MPDU1: variants seen among roughly 807,000 people sequenced by gnomAD.
MPDU1 encodes mannose-P-dolichol utilization defect 1.
MPDU1 carries 18 observed loss-of-function variants against 27.6 expected under a neutral mutation model. The ratio of observed to expected loss-of-function variants is 0.65; its 90% confidence interval spans 0.45 to 0.97. The LOEUF is 0.97. Among genes scored for constraint, MPDU1 ranks in the 50% least tolerant of loss-of-function variants. The pLI is 0.00. For synonymous variants in MPDU1, 142 were observed against 131.1 expected, an observed-to-expected ratio of 1.08 and a Z score of -0.57; for missense variants, 279 against 297.4, an observed-to-expected ratio of 0.94 and a Z score of 0.46.
Position 7,586,117 on chromosome 17 carries a change from C to T in MPDU1, c.302+39C>T, listed in dbSNP as rs1468561158. On this transcript the variant is annotated intron_variant, in intron 3 of 6. Coordinates refer to ENST00000250124, the MANE Select transcript of MPDU1 (RefSeq NM_004870.4). The stretch of plus-strand genomic sequence containing the variant: ...CCTTCCACCCCAAGGGTAATACCCA[C>T]AACTCTAATGGGGATTAAGGTGAAG... 13 of 1,611,038 alleles carry T rather than the reference C, an allele frequency of 8.1e-6. No individual in the cohort carries two copies. In the Middle Eastern group the frequency reaches 1.3e-3, roughly 156 times the overall value.
In MPDU1 at chr17:7,586,722, C is replaced by T. The variant is rs2071588719; in HGVS notation, c.333C>T (p.Leu111=). 1 of 1,614,018 alleles carries T rather than the reference C, an allele frequency of 6.2e-7. No individual in the cohort carries two copies. The highest frequency in any genetic ancestry group is 1.3e-5 in the African/African-American group (1 of 74,906). ...GGGGTGAAGCCTTATTCCTGATGCT[C>T]CAGACGATCACCATCTGCTTCCTGG... ...SSWGEALFLM[L]QTITICFLVM... Residue 111 remains leucine (L), a synonymous_variant, in exon 4 of 7, where the codon CTC becomes CTT. Coordinates refer to ENST00000250124, the MANE Select transcript of MPDU1 (RefSeq NM_004870.4).
chr17:7,583,679 G>A, upstream of MPDU1: 2 of 762,972 alleles, frequency 2.6e-6, no homozygotes, highest in Non-Finnish European at 4.7e-6. Context: ...CGTCCAAAAC[G>A]TGGTCCCTGA....
At chr17:7,586,453 A>G (rs1021842666) in intron 3 of MPDU1, 45 of 553,640 alleles carry the variant, frequency 8.1e-5, no homozygotes, top group African/African-American at 4.3e-4. Flanking sequence ...AAAAAAAAAA[A>G]GGGACAAGGG....
chr17:7,586,134 A>C, intron 3 of MPDU1, 56 bp downstream of exon 3: 1 of 1,605,656 alleles, frequency 6.2e-7, no homozygotes. Flanking sequence ...AATGGGGATT[A>C]AGGTGAAGGA....
Position 7,586,925 on chromosome 17 carries a change from C to T in MPDU1, c.415C>T (p.Leu139=). Residue 139 remains leucine, a synonymous_variant, in exon 5 of 7, where the codon CTG becomes TTG. Transcript: ENST00000250124. ...TGTCGCTTTCCTCGCTTGCTACGGCCTGGTCCTGCTGGTGCTTCTCTCACC... is the reference window on the plus strand; with the variant it reads ...TGTCGCTTTCCTCGCTTGCTACGGCTTGGTCCTGCTGGTGCTTCTCTCACC... ...KGVAFLACYG[L]VLLVLLSPLT... The T allele has an allele frequency of 3.1e-6, 5 of 1,614,060 alleles. No homozygotes were observed. The highest frequency in any genetic ancestry group is 3.4e-6 in the Non-Finnish European group (4 of 1,180,022).
intron 1 of MPDU1, among the ~76,000 whole-genome samples, chr17:7,585,233 T>G (rs2071560833): frequency 6.6e-6 from 1 of 151,834 alleles, no homozygotes; most frequent in Non-Finnish European, 1.5e-5. Flanking sequence ...AGAAAAGCTG[T>G]TTTGGAAAGT....
Position 7,585,726 on chromosome 17 carries a change from C to T in MPDU1, c.104-6C>T. 6.2e-7 allele frequency: 1 copy of T among 1,613,928 alleles called. No homozygotes were observed. Among genetic ancestry groups the T allele is most frequent in the Non-Finnish European group, 8.5e-7 (1 of 1,179,928 alleles). On this transcript the variant is annotated splice_polypyrimidine_tract_variant and splice_region_variant and intron_variant, in intron 1 of 6. Coordinates refer to ENST00000250124, the MANE Select transcript of MPDU1 (RefSeq NM_004870.4). ...CCTGTCTGCTTACCCTTTTTTCTCT[C>T]CTCAGTCCCCTGCCTCAAGATTCTC... is the stretch of plus-strand genomic sequence containing the variant.
chr17:7,587,350 G>A (rs2071602257), intron 6 of MPDU1, 76 bp from the exon 7 acceptor site: 2 of 1,613,588 alleles, frequency 1.2e-6, no homozygotes, highest in Admixed American at 1.7e-5. Flanking sequence ...GCTGCCCCGT[G>A]AGGAACCTTT....
chr17:7,584,096 A>G, intron 1 of MPDU1, 131 bp downstream of exon 1: 1 of 912,750 alleles, frequency 1.1e-6, no homozygotes, highest in Non-Finnish European at 1.8e-6. Context: ...CACTTCTGAG[A>G]AGGGCGGAAG....
upstream of MPDU1, chr17:7,583,746 C>T: frequency 1.9e-6 from 2 of 1,045,832 alleles, no homozygotes; most frequent in Non-Finnish European, 1.5e-6. Flanking sequence ...AAGAGCGGGG[C>T]ACGGGGCGGG....
At chr17:7,584,150 G>A in intron 1 of MPDU1, 185 bp downstream of exon 1, 1 of 661,816 alleles carries the variant, frequency 1.5e-6, no homozygotes, top group South Asian at 1.6e-5. Flanking sequence ...TAGTGCCAGT[G>A]GGGAAGTCAC....
chr17:7,584,210 A>C, intron 1 of MPDU1: 4 of 600,102 alleles, frequency 6.7e-6, no homozygotes, highest in Non-Finnish European at 1.2e-5. Flanking sequence ...ACAATGAAAA[A>C]CGAAGAGTCA....
intron 5 of MPDU1, 50 bp downstream of exon 5, chr17:7,587,067 G>GGGGGGGGGGGCC: frequency 9.6e-7 from 1 of 1,041,362 alleles, no homozygotes; most frequent in Non-Finnish European, 1.4e-6. Flanking sequence ...GGGTGGGGGG[G>GGGGGGGGGGGCC]AAGAGTAGAA....
Position 7,586,683 on chromosome 17 carries a change from A to C in MPDU1, c.303-9A>C, listed in dbSNP as rs763924892. On this transcript the variant is annotated splice_polypyrimidine_tract_variant and intron_variant, in intron 3 of 6. Transcript: ENST00000250124. ...CCGCCTTTCTTCCTCCCAACTCTTG[A>C]CTCTGCAGCTCTTGGGGTGAAGCCT... is the stretch of plus-strand genomic sequence containing the variant. The C allele has an allele frequency of 6.2e-7, 1 of 1,613,348 alleles. No individual in the cohort carries two copies. The highest frequency in any genetic ancestry group is 8.5e-7 in the Non-Finnish European group (1 of 1,179,558).
intron 1 of MPDU1, 31 bp downstream of exon 1, chr17:7,583,996 C>G (rs1340084376): frequency 6.3e-7 from 1 of 1,599,560 alleles, no homozygotes; most frequent in African/African-American, 1.3e-5. Context: ...GATCCAAGTC[C>G]TACTCGAGTG....
In MPDU1 at chr17:7,587,656, G is replaced by A. The variant is rs190574792; in HGVS notation, c.*105G>A. On this transcript the variant is annotated 3_prime_UTR_variant, in exon 7 of 7. Transcript: ENST00000250124. ...TGACTTACTCATCCTCCATTCCTCT[G>A]CACTTGCAGACTTTCTGAGCCAGGG... 225 of 1,493,862 alleles carry A rather than the reference G, an allele frequency of 1.5e-4. No homozygotes were observed. Among genetic ancestry groups the A allele is most frequent in the Non-Finnish European group, 2.0e-4 (212 of 1,076,242 alleles). The allele number at this position is 1,493,862 out of a possible 1,614,324, so 92.5% of individuals were successfully genotyped here. A position where few individuals can be genotyped will look rare whatever the true frequency, so the allele number is the denominator to read the frequency against.
At chr17:7,585,622 T>C in intron 1 of MPDU1, 110 bp from the exon 2 acceptor site, 1 of 1,022,894 alleles carries the variant, frequency 9.8e-7, no homozygotes, top group Non-Finnish European at 1.5e-6. Flanking sequence ...CCCAAGACAA[T>C]GCAAGACCCT....
intron 1 of MPDU1, 99 bp downstream of exon 1, chr17:7,584,064 C>T (rs1413203852): frequency 2.5e-6 from 3 of 1,190,286 alleles, no homozygotes; most frequent in Non-Finnish European, 3.7e-6. Flanking sequence ...GTGACTGCCG[C>T]CATGCCGAGC....
At chr17:7,585,520 G>C (rs888777117) in intron 1 of MPDU1, among the ~76,000 whole-genome samples, 1 of 142,872 alleles carries the variant, frequency 7.0e-6, no homozygotes, top group Non-Finnish European at 1.6e-5. Flanking sequence ...CTGGGTGACA[G>C]AGCAAGACTC....
Sources: gnomAD v4.1 joint callset for allele counts (sites outside exome capture counted in the v4.1 genomes callset) on GRCh38, gnomAD v4.1.1 for gene constraint, MANE v1.5 for transcripts, NCBI Gene and HGNC (gene_info 2026-07-23, HGNC 2026-07-21) for gene names.